GRIK2: variants seen among roughly 807,000 people sequenced by gnomAD.
The protein encoded by GRIK2 is glutamate receptor ionotropic, kainate 2.
Under a neutral mutation model 100.3 loss-of-function variants are expected in GRIK2, and 32 were observed. The observed-to-expected ratio is 0.32, with a 90% CI of 0.24 to 0.43. The LOEUF (loss-of-function observed/expected upper bound fraction) is 0.43, where lower values mean the gene tolerates loss of function less well. Among genes scored for constraint, GRIK2 ranks in the 20% least tolerant of loss-of-function variants. The probability of loss-of-function intolerance (pLI) is 1.00; values close to 1 mark genes in which losing one functional copy is unlikely to be tolerated. For synonymous variants in GRIK2, 417 were observed against 389.4 expected (o/e 1.07, Z -0.83); for missense variants, 843 against 1,114.9 (o/e 0.76, Z 3.47).
At chr6:101,702,411 A>G (rs1265737647) in intron 7 of GRIK2, among the ~76,000 whole-genome samples, 1 of 151,992 alleles carries the variant, frequency 6.6e-6, no homozygotes, top group East Asian at 1.9e-4. Flanking sequence ...TTTGAAGTAT[A>G]TATGCCTTAA....
intron 4 of GRIK2, among the ~76,000 whole-genome samples, chr6:101,655,894 T>G (rs2128330928): frequency 6.6e-6 from 1 of 152,288 alleles, no homozygotes; most frequent in South Asian, 2.1e-4. Flanking sequence ...ATGCATCAGC[T>G]TATTGTTTGG....
At chr6:101,845,320 T>C (rs1783745159) in intron 10 of GRIK2, among the ~76,000 whole-genome samples, 1 of 152,134 alleles carries the variant, frequency 6.6e-6, no homozygotes, top group African/African-American at 2.4e-5. Flanking sequence ...TTGCATTTGT[T>C]TTTACCCATG....
intron 2 of GRIK2, among the ~76,000 whole-genome samples, chr6:101,608,784 G>T (rs1336011720): frequency 1.4e-5 from 2 of 141,970 alleles, no homozygotes; most frequent in East Asian, 4.3e-4. Context: ...CTCATAGAGG[G>T]GTGTGTGTGT....
chr6:101,531,319 A>C (rs2128284797), intron 2 of GRIK2, among the ~76,000 whole-genome samples: 1 of 152,150 alleles, frequency 6.6e-6, no homozygotes, highest in South Asian at 2.1e-4. Context: ...GAAAAGGACC[A>C]GGTCTCATCG....
chr6:101,951,311 T>C (rs183197893), intron 14 of GRIK2, among the ~76,000 whole-genome samples: 1 of 152,342 alleles, frequency 6.6e-6, no homozygotes, highest in Non-Finnish European at 1.5e-5. Flanking sequence ...GTTGAGAAAC[T>C]AACCTTTAGT....
At chr6:101,455,619 C>A (rs373863808) in intron 2 of GRIK2, among the ~76,000 whole-genome samples, 2 of 151,784 alleles carry the variant, frequency 1.3e-5, no homozygotes, top group Non-Finnish European at 2.9e-5. Context: ...TTCGGGGAGT[C>A]CTTATAAATT....
At chr6:101,396,246 C>CG (rs761803170) in intron 1 of GRIK2, among the ~76,000 whole-genome samples, 2 of 147,380 alleles carry the variant, frequency 1.4e-5, no homozygotes, top group South Asian at 2.4e-4. Flanking sequence ...TAGCATTCCC[C>CG]CCCCCCCCAG....
intron 2 of GRIK2, among the ~76,000 whole-genome samples, chr6:101,479,821 T>C (rs1772434619): frequency 6.6e-6 from 1 of 152,202 alleles, no homozygotes; most frequent in Non-Finnish European, 1.5e-5. Context: ...TTTGTCATTT[T>C]CAATGTTTCT....
chr6:101,481,178 C>G (rs1772508278), intron 2 of GRIK2, among the ~76,000 whole-genome samples: 1 of 152,000 alleles, frequency 6.6e-6, no homozygotes, highest in African/African-American at 2.4e-5. Flanking sequence ...TTCAGAAACT[C>G]TTTTTAGTTG....
chr6:101,662,715 C>G (rs1006021891), intron 4 of GRIK2, among the ~76,000 whole-genome samples: 1 of 151,952 alleles, frequency 6.6e-6, no homozygotes, highest in Non-Finnish European at 1.5e-5. Context: ...AAATGGTTAC[C>G]CATTCTGAAC....
chr6:101,838,008 C>T (rs899163497), intron 10 of GRIK2, among the ~76,000 whole-genome samples: 2 of 151,978 alleles, frequency 1.3e-5, no homozygotes, highest in Non-Finnish European at 2.9e-5. Flanking sequence ...CCCCAAAGCA[C>T]GTCATAAGAC....
chr6:101,959,583 A>G (rs1792155985), intron 14 of GRIK2, among the ~76,000 whole-genome samples: 1 of 151,884 alleles, frequency 6.6e-6, no homozygotes, highest in South Asian at 2.1e-4. Context: ...AATTTCATTT[A>G]GTTCTTTTCT....
chr6:101,494,925 CAAAT>C (rs61497142), intron 2 of GRIK2, among the ~76,000 whole-genome samples: 2 of 139,622 alleles, frequency 1.4e-5, no homozygotes, highest in Non-Finnish European at 1.5e-5. Context: ...GACTCTATCA[CAAAT>C]AAATAAATAA....
At chr6:101,792,813 G>A (rs1264047850) in intron 7 of GRIK2, among the ~76,000 whole-genome samples, 5 of 152,022 alleles carry the variant, frequency 3.3e-5, no homozygotes, top group Admixed American at 2.0e-4. Context: ...TTTCCAACTT[G>A]GTTCCATTCT....
At chr6:101,493,702 T>C (rs903879665) in intron 2 of GRIK2, among the ~76,000 whole-genome samples, 7 of 151,632 alleles carry the variant, frequency 4.6e-5, no homozygotes, top group Non-Finnish European at 8.8e-5. Flanking sequence ...AGAAGTCCAA[T>C]CAGGTAGCTT....
At chr6:101,907,382 G>A (rs1021275511) in intron 12 of GRIK2, among the ~76,000 whole-genome samples, 17 of 30,466 alleles carry the variant, frequency 5.6e-4, no homozygotes, top group African/African-American at 1.4e-3. Flanking sequence ...GCCCCTGTCT[G>A]ATTTAAAAGA....
At chr6:101,554,606 A>T (rs1424251203) in intron 2 of GRIK2, among the ~76,000 whole-genome samples, 3 of 152,092 alleles carry the variant, frequency 2.0e-5, no homozygotes, top group Non-Finnish European at 2.9e-5. Flanking sequence ...CAAACTCTGG[A>T]TATATCACTA....
chr6:101,494,898 T>G (rs1397494801), intron 2 of GRIK2, among the ~76,000 whole-genome samples: 1 of 149,252 alleles, frequency 6.7e-6, no homozygotes, highest in African/African-American at 2.5e-5. Context: ...TGAGCCAATG[T>G]CTGGGAGACA....
intron 3 of GRIK2, among the ~76,000 whole-genome samples, chr6:101,624,663 C>T (rs1385682406): frequency 6.6e-6 from 1 of 152,168 alleles, no homozygotes; most frequent in Non-Finnish European, 1.5e-5. Context: ...CAATCCTTCT[C>T]TGTCCTTTAA....
Sources: allele counts gnomAD v4.1 joint callset (sites outside exome capture counted in the v4.1 genomes callset), GRCh38; gene constraint gnomAD v4.1.1; transcripts MANE v1.5; gene names NCBI Gene and HGNC (gene_info 2026-07-23, HGNC 2026-07-21).